Variants in PPP2R5E observed in about 807,000 individuals in gnomAD.
The protein encoded by PPP2R5E is serine/threonine-protein phosphatase 2A 56 kDa regulatory subunit epsilon isoform.
A neutral mutation model predicts 65.3 loss-of-function variants in PPP2R5E; 4 were observed. The ratio of observed to expected loss-of-function variants is 0.06; its 90% CI spans 0.03 to 0.14. The LOEUF is 0.14. PPP2R5E is among the 10% of genes least tolerant of loss of function. PPP2R5E has a pLI of 1.00. For synonymous variants in PPP2R5E, 183 were observed against 187.4 expected (o/e 0.98, Z 0.19); for missense variants, 274 against 556.1 (o/e 0.49, Z 5.10).
intron 2 of PPP2R5E, among the ~76,000 whole-genome samples, chr14:63,480,215 T>C (rs140392609): frequency 0.024 from 3,616 of 152,098 alleles, 75 homozygotes; most frequent in Non-Finnish European, 0.036. Context: ...CCCAGCACTT[T>C]GGGAGGCCAA....
chr14:63,443,692 T>C (rs1888346644), intron 3 of PPP2R5E, among the ~76,000 whole-genome samples: 1 of 151,970 alleles, frequency 6.6e-6, no homozygotes, highest in Admixed American at 6.6e-5. Context: ...CATAAGAACC[T>C]CAACATTAAC....
chr14:63,515,135 G>A (rs1484506427), intron 2 of PPP2R5E, among the ~76,000 whole-genome samples: 1 of 151,894 alleles, frequency 6.6e-6, no homozygotes, highest in Non-Finnish European at 1.5e-5. Context: ...AAACTACTTA[G>A]AGAGGGGAAA....
At chr14:63,425,601 G>A (rs542719316) in intron 3 of PPP2R5E, among the ~76,000 whole-genome samples, 14 of 152,184 alleles carry the variant, frequency 9.2e-5, no homozygotes, top group Non-Finnish European at 1.6e-4. Context: ...CTCTCTTACA[G>A]TGTCCACTGC....
At chr14:63,417,268 T>C (rs1167493507) in intron 4 of PPP2R5E, among the ~76,000 whole-genome samples, 1 of 152,230 alleles carries the variant, frequency 6.6e-6, no homozygotes, top group Non-Finnish European at 1.5e-5. Flanking sequence ...CTTTAAGCTT[T>C]GGGAAGCTGC....
Position 63,391,955 on chromosome 14 carries a change from A to T in PPP2R5E, c.903+17T>A. On this transcript the variant is annotated intron_variant, in intron 9 of 13. Transcript: ENST00000337537. Reference sequence around the variant, plus strand: ...TAATTTTTCTTAAGTTTTTGAAATTATGGAAAAAAGACTTACTGGTTCTGT... The same window carrying T: ...TAATTTTTCTTAAGTTTTTGAAATTTTGGAAAAAAGACTTACTGGTTCTGT... The T allele has an allele frequency of 6.2e-7, 1 of 1,609,854 alleles. No homozygotes were observed. Among genetic ancestry groups the T allele is most frequent in the Non-Finnish European group, 8.5e-7 (1 of 1,177,328 alleles).
chr14:63,444,240 T>G (rs1310798736), intron 3 of PPP2R5E, among the ~76,000 whole-genome samples: 1 of 152,238 alleles, frequency 6.6e-6, no homozygotes, highest in East Asian at 1.9e-4. Flanking sequence ...TGGGAATTCC[T>G]TTGCATCACA....
At chr14:63,519,786 C>A (rs1241839897) in intron 2 of PPP2R5E, among the ~76,000 whole-genome samples, 1 of 151,308 alleles carries the variant, frequency 6.6e-6, no homozygotes, top group East Asian at 2.0e-4. Context: ...CTCAGCCTCC[C>A]GAGTAGCTGG....
chr14:63,484,809 T>C (rs1418528540), intron 2 of PPP2R5E, among the ~76,000 whole-genome samples: 1 of 152,174 alleles, frequency 6.6e-6, no homozygotes, highest in Non-Finnish European at 1.5e-5. Flanking sequence ...TGGCCTAATA[T>C]TTTAGTAATT....
chr14:63,508,782 T>G (rs542674739), intron 2 of PPP2R5E, among the ~76,000 whole-genome samples: 2 of 152,336 alleles, frequency 1.3e-5, no homozygotes, highest in East Asian at 3.9e-4. Flanking sequence ...TCTCTCTTGC[T>G]TTGCTTTCCA....
At chr14:63,379,167 T>A (rs1884166669) in intron 13 of PPP2R5E, among the ~76,000 whole-genome samples, 1 of 152,116 alleles carries the variant, frequency 6.6e-6, no homozygotes, top group African/African-American at 2.4e-5. Context: ...TAGCTGGGAC[T>A]ACAGGCACCC....
At chr14:63,484,388 A>ACACACACACAC (rs1566736534) in intron 2 of PPP2R5E, among the ~76,000 whole-genome samples, 20 of 124,602 alleles carry the variant, frequency 1.6e-4, no homozygotes, top group African/African-American at 6.1e-4. Context: ...CACACACACA[A>ACACACACACAC]AGAATCGTAT....
chr14:63,436,869 C>A (rs1268577623), intron 3 of PPP2R5E, among the ~76,000 whole-genome samples: 1 of 152,226 alleles, frequency 6.6e-6, no homozygotes, highest in Non-Finnish European at 1.5e-5. Context: ...GCATTTGAAC[C>A]TGAGCAACTC....
intron 2 of PPP2R5E, among the ~76,000 whole-genome samples, chr14:63,523,498 T>A (rs1157877470): frequency 6.6e-6 from 1 of 151,930 alleles, no homozygotes; most frequent in Non-Finnish European, 1.5e-5. Context: ...GTTAAACAGA[T>A]GCTTGAAGGC....
At position 63,509,681 on chromosome 14, in the gene PPP2R5E, A is replaced by G. The variant is rs111756774; in HGVS notation, c.157+29848T>C. On this transcript the variant is annotated intron_variant, in intron 2 of 13. Coordinates refer to ENST00000337537, the MANE Select transcript of PPP2R5E (RefSeq NM_006246.5). ...TATTCCAAATGTTAGAGGTTTGACT[A>G]TATGTTACAAACACACACCTGCAAA... Among the ~76,000 whole-genome samples the G allele has an allele frequency of 9.5e-3, 1,454 of 152,272 alleles. 12 individuals carry two copies. Among genetic ancestry groups the G allele is most frequent in the East Asian group, 0.049 (253 of 5,188 alleles).
chr14:63,429,750 C>T (rs915880380), intron 3 of PPP2R5E, among the ~76,000 whole-genome samples: 1 of 151,842 alleles, frequency 6.6e-6, no homozygotes, highest in African/African-American at 2.4e-5. Context: ...ATGGCACCAT[C>T]TTGGCTCACT....
intron 3 of PPP2R5E, 150 bp from the exon 4 acceptor site, chr14:63,422,244 G>A (rs1887064807): frequency 3.1e-6 from 2 of 650,112 alleles, no homozygotes; most frequent in Non-Finnish European, 2.7e-6. Flanking sequence ...TAGGCTCTGA[G>A]GTGGGGACCA....
At chr14:63,485,825 C>CTTTTTT (rs770156529) in intron 2 of PPP2R5E, among the ~76,000 whole-genome samples, 2 of 130,638 alleles carry the variant, frequency 1.5e-5, no homozygotes, top group Non-Finnish European at 1.6e-5. Flanking sequence ...TACTGACAAA[C>CTTTTTT]TTTTTTTTTT....
intron 2 of PPP2R5E, among the ~76,000 whole-genome samples, chr14:63,470,598 TG>T (rs1203081134): frequency 6.6e-6 from 1 of 151,136 alleles, no homozygotes; most frequent in African/African-American, 2.5e-5. Flanking sequence ...AATAACAAAA[TG>T]GCTTCATCCA....
intron 2 of PPP2R5E, among the ~76,000 whole-genome samples, chr14:63,469,247 A>G (rs1889991697): frequency 6.6e-6 from 1 of 152,242 alleles, no homozygotes; most frequent in Admixed American, 6.5e-5. Flanking sequence ...ATAGATAAAT[A>G]TAAAAGTTAA....
Sources: gnomAD v4.1 joint callset for allele counts (sites outside exome capture counted in the v4.1 genomes callset) on GRCh38, gnomAD v4.1.1 for gene constraint, MANE v1.5 for transcripts, NCBI Gene and HGNC (gene_info 2026-07-23, HGNC 2026-07-21) for gene names.